The following SACM1L variants were observed in gnomAD, a reference collection of about 807,000 sequenced individuals.
SACM1L encodes phosphatidylinositol-3-phosphatase SAC1.
Under a neutral mutation model 89.5 loss-of-function variants are expected in SACM1L, and 32 were observed. That is an observed-to-expected ratio of 0.36 (90% CI 0.27 to 0.48). The LOEUF (loss-of-function observed/expected upper bound fraction) is 0.48, where lower values mean the gene tolerates loss of function less well. SACM1L is among the 20% of genes least tolerant of loss of function. The pLI is 0.99. For synonymous variants in SACM1L, 213 were observed against 232.8 expected (o/e 0.92, Z 0.77); for missense variants, 543 against 708.5 (o/e 0.77, Z 2.65).
At chr3:45,714,348 C>G (rs1698598977) in intron 7 of SACM1L, among the ~76,000 whole-genome samples, 1 of 151,394 alleles carries the variant, frequency 6.6e-6, no homozygotes, top group Non-Finnish European at 1.5e-5. Flanking sequence ...CTGTATTTTG[C>G]CTTTATTTGA....
At chr3:45,701,878 A>G (rs1354333464) in intron 1 of SACM1L, among the ~76,000 whole-genome samples, 1 of 152,240 alleles carries the variant, frequency 6.6e-6, no homozygotes, top group East Asian at 1.9e-4. Flanking sequence ...AGACTTTTAT[A>G]CAAGAATGTT....
chr3:45,714,783 A>G (rs934176127), intron 7 of SACM1L, among the ~76,000 whole-genome samples: 2 of 152,216 alleles, frequency 1.3e-5, no homozygotes, highest in African/African-American at 2.4e-5. Context: ...AAACAGATCT[A>G]TGTCATAGAC....
At chr3:45,707,035 A>ACT in intron 4 of SACM1L, 128 bp downstream of exon 4, 1 of 728,068 alleles carries the variant, frequency 1.4e-6, no homozygotes, top group Non-Finnish European at 2.1e-6. Flanking sequence ...GAGTAAGATC[A>ACT]CTCTACCTAC....
rs565582437 is a variant in SACM1L at position 45,721,297 on chromosome 3, A to G, written c.680-703A>G. The stretch of plus-strand genomic sequence containing the variant: ...AGCACTTTGGGAGGCCGAGGCAGGC[A>G]GATCACCTGAGGTCGGGAGTTTGAG... On this transcript the variant is annotated intron_variant, in intron 8 of 19. Coordinates refer to ENST00000389061, the MANE Select transcript of SACM1L (RefSeq NM_014016.5). Among the ~76,000 whole-genome samples, 10 of 152,346 alleles carry G rather than the reference A, an allele frequency of 6.6e-5. No homozygotes were observed. The East Asian group carries it at 1.9e-3, about 29-fold the overall frequency.
rs772321816 is a variant in SACM1L, at chr3:45,706,757, TG to T, written c.206-22del. The T allele has an allele frequency of 2.2e-5, 35 of 1,566,740 alleles. No homozygotes were observed. In the African/African-American group the frequency reaches 4.7e-4, roughly 21 times the overall value. The stretch of plus-strand genomic sequence containing the variant: ...TAGAGTTACTATTTTTATAATTATG[TG>T]TGTTTGGCTTGCTTTTTGCAGGTAA... On this transcript the variant is annotated intron_variant, in intron 3 of 19. Transcript: ENST00000389061.
At chr3:45,707,790 G>T (rs1189609807) in intron 4 of SACM1L, among the ~76,000 whole-genome samples, 1 of 152,194 alleles carries the variant, frequency 6.6e-6, no homozygotes, top group Non-Finnish European at 1.5e-5. Context: ...AGTTGGTTTA[G>T]ACTTAGGAAG....
chr3:45,724,366 G>A (rs2742453), intron 11 of SACM1L, among the ~76,000 whole-genome samples: 95,058 of 150,662 alleles, frequency 0.63, 30,376 homozygotes, highest in Non-Finnish European at 0.66. Flanking sequence ...GGTGTGGAGT[G>A]GTGTTGAGTT....
At chr3:45,712,904 T>C (rs1221721889) in intron 5 of SACM1L, among the ~76,000 whole-genome samples, 1 of 152,062 alleles carries the variant, frequency 6.6e-6, no homozygotes, top group African/African-American at 2.4e-5. Flanking sequence ...GACAATTAAA[T>C]GTAAGGGAAA....
chr3:45,705,065 C>T (rs1698356188), intron 2 of SACM1L, 70 bp from the exon 3 acceptor site: 2 of 971,998 alleles, frequency 2.1e-6, no homozygotes, highest in South Asian at 1.4e-5. Flanking sequence ...CTATTGAAAT[C>T]GAACTAAATT....
chr3:45,714,515 G>T (rs1698603910), intron 7 of SACM1L, among the ~76,000 whole-genome samples: 1 of 152,136 alleles, frequency 6.6e-6, no homozygotes, highest in African/African-American at 2.4e-5. Flanking sequence ...AGGATGACTT[G>T]AGCCCAGGAG....
At chr3:45,739,729 C>CT in intron 19 of SACM1L, 85 bp downstream of exon 19, 2 of 1,209,294 alleles carry the variant, frequency 1.7e-6, no homozygotes. Flanking sequence ...TCACCGAACA[C>CT]TTGATGTTTC....
At position 45,743,795 on chromosome 3, in the gene SACM1L, G is replaced by GA; in HGVS notation, c.*126_*127insA. The GA allele has an allele frequency of 1.1e-6, 1 of 942,328 alleles. No individual in the cohort carries two copies. The highest frequency in any genetic ancestry group is 1.6e-6 in the Non-Finnish European group (1 of 643,166). The allele number at this position is 942,328 out of a possible 1,614,324, so 58.4% of individuals were successfully genotyped here. A position where few individuals can be genotyped will look rare whatever the true frequency, so the allele number is the denominator to read the frequency against. On this transcript the variant is annotated 3_prime_UTR_variant, in exon 20 of 20. Transcript: ENST00000389061. Reference sequence around the variant, plus strand: ...GCCTTTATCCAAAAGCACATCTTGTGCTCCATGCAGGATGATGACAGAATT... The same window carrying GA: ...GCCTTTATCCAAAAGCACATCTTGTGACTCCATGCAGGATGATGACAGAATT...
intron 7 of SACM1L, among the ~76,000 whole-genome samples, chr3:45,716,066 G>A (rs1047529552): frequency 6.6e-6 from 1 of 152,104 alleles, no homozygotes; most frequent in African/African-American, 2.4e-5. Context: ...CCCAAGACAG[G>A]AACATGACTG....
chr3:45,737,848 A>G lies in SACM1L; in HGVS notation c.1382+4A>G. On this transcript the variant is annotated splice_donor_region_variant and intron_variant, in intron 16 of 19. Coordinates refer to ENST00000389061, the MANE Select transcript of SACM1L (RefSeq NM_014016.5). ...CCTTGAAGACTGACTTTACCAGGCA[A>G]GCCATGCTTTTAAAATAGCATTCCA... The G allele has an allele frequency of 6.2e-7, 1 of 1,612,328 alleles. No homozygotes were observed. Among genetic ancestry groups the G allele is most frequent in the Non-Finnish European group, 8.5e-7 (1 of 1,178,456 alleles).
chr3:45,701,350 C>T (rs1165125299), intron 1 of SACM1L, among the ~76,000 whole-genome samples: 1 of 152,266 alleles, frequency 6.6e-6, no homozygotes, highest in East Asian at 1.9e-4. Flanking sequence ...CACTGAAATT[C>T]CTGGCTCAGC....
chr3:45,728,790 A>G (rs1285160936), intron 11 of SACM1L, among the ~76,000 whole-genome samples: 1 of 152,184 alleles, frequency 6.6e-6, no homozygotes, highest in Non-Finnish European at 1.5e-5. Context: ...CTCCCACTTC[A>G]GCTTCCTGAG....
In SACM1L at chr3:45,702,961, C is replaced by T. The variant is rs113954474; in HGVS notation, c.33-477C>T. ...TACTGTTTTTAGCTAATACCTCTTG[C>T]TTACTATGCGTCAGATGTTCAAAGT... On this transcript the variant is annotated intron_variant, in intron 1 of 19. Coordinates refer to ENST00000389061, the MANE Select transcript of SACM1L (RefSeq NM_014016.5). Among the ~76,000 whole-genome samples the T allele has an allele frequency of 3.3e-3, 495 of 152,256 alleles. 5 individuals carry two copies. The highest frequency in any genetic ancestry group is 0.01 in the African/African-American group (432 of 41,548).
At chr3:45,739,731 T>G (rs1318408576) in intron 19 of SACM1L, 87 bp downstream of exon 19, 2 of 1,204,018 alleles carry the variant, frequency 1.7e-6, no homozygotes, top group Non-Finnish European at 2.5e-6. Flanking sequence ...ACCGAACACT[T>G]GATGTTTCCC....
chr3:45,733,676 A>G (rs180810536), intron 13 of SACM1L, among the ~76,000 whole-genome samples: 341 of 152,346 alleles, frequency 2.2e-3, no homozygotes, highest in African/African-American at 7.6e-3. Flanking sequence ...AATAGTTTCA[A>G]TAGTTAACAT....
Sources: allele counts gnomAD v4.1 joint callset (sites outside exome capture counted in the v4.1 genomes callset), GRCh38; gene constraint gnomAD v4.1.1; transcripts MANE v1.5; gene names NCBI Gene and HGNC (gene_info 2026-07-23, HGNC 2026-07-21).